Variants in PBRM1 observed in about 807,000 individuals in gnomAD.
PBRM1 encodes the protein protein polybromo-1.
Under a neutral mutation model 194.5 loss-of-function variants are expected in PBRM1, and 27 were observed. That is an observed-to-expected ratio of 0.14 (90% CI 0.10 to 0.19). The LOEUF is 0.19. PBRM1 is among the 10% of genes least tolerant of loss of function. The probability of loss-of-function intolerance (pLI) is 1.00; values close to 1 mark genes in which losing one functional copy is unlikely to be tolerated. For synonymous variants in PBRM1, 655 were observed against 693.2 expected (o/e 0.94, Z 0.87); for missense variants, 1,466 against 2,077.2 (o/e 0.71, Z 5.72).
At chr3:52,567,565 CAAAA>C (rs10644120) in intron 22 of PBRM1, among the ~76,000 whole-genome samples, 5 of 91,706 alleles carry the variant, frequency 5.5e-5, no homozygotes, top group African/African-American at 1.8e-4. Context: ...TAGGTAATCT[CAAAA>C]AAAAAAAAAA....
At chr3:52,547,611 C>T (rs1330256124), downstream of PBRM1, 1 of 233,588 alleles carries the variant, frequency 4.3e-6, no homozygotes, top group African/African-American at 2.2e-5. Flanking sequence ...GGACAAACTT[C>T]ACATTTCATT....
intron 2 of PBRM1, among the ~76,000 whole-genome samples, chr3:52,674,596 C>T (rs1411095883): frequency 7.0e-6 from 1 of 142,610 alleles, no homozygotes; most frequent in East Asian, 2.0e-4. Context: ...TTGAGACCAG[C>T]CTGGGCAACA....
chr3:52,675,271 AATTCT>A (rs1175698742), intron 2 of PBRM1, among the ~76,000 whole-genome samples: 5 of 152,224 alleles, frequency 3.3e-5, no homozygotes, highest in African/African-American at 1.2e-4. Context: ...TTCACTGATG[AATTCT>A]AACCAGACAT....
chr3:52,607,021 G>C (rs1462947497), intron 16 of PBRM1, among the ~76,000 whole-genome samples: 1 of 152,138 alleles, frequency 6.6e-6, no homozygotes, highest in Non-Finnish European at 1.5e-5. Flanking sequence ...GGGGTAAATG[G>C]TGATGAAGCA....
At chr3:52,574,884 C>T (rs752935312) in intron 22 of PBRM1, among the ~76,000 whole-genome samples, 1 of 152,140 alleles carries the variant, frequency 6.6e-6, no homozygotes, top group Non-Finnish European at 1.5e-5. Context: ...ACTGTAGTAA[C>T]CATATACAAC....
At chr3:52,615,299 C>T in intron 15 of PBRM1, 52 bp downstream of exon 17, 1 of 912,354 alleles carries the variant, frequency 1.1e-6, no homozygotes. Context: ...GAAAAATCAG[C>T]AATCTCTTCT....
chr3:52,623,608 A>G (rs2095350897), intron 13 of PBRM1, among the ~76,000 whole-genome samples: 1 of 152,248 alleles, frequency 6.6e-6, no homozygotes, highest in Non-Finnish European at 1.5e-5. Flanking sequence ...CGCTACTTCA[A>G]GAAAATAAAC....
intron 11 of PBRM1, among the ~76,000 whole-genome samples, chr3:52,632,957 A>G (rs2095670396): frequency 6.6e-6 from 1 of 152,020 alleles, no homozygotes; most frequent in Non-Finnish European, 1.5e-5. Flanking sequence ...TCACTGGCTA[A>G]CCAAAGTGCT....
chr3:52,579,895 A>G (rs190066070), intron 20 of PBRM1, among the ~76,000 whole-genome samples: 36 of 152,306 alleles, frequency 2.4e-4, no homozygotes, highest in African/African-American at 7.9e-4. Context: ...ATTCTATACA[A>G]GCTTCCTCTC....
At chr3:52,574,959 G>A (rs1296449729) in intron 22 of PBRM1, among the ~76,000 whole-genome samples, 1 of 152,056 alleles carries the variant, frequency 6.6e-6, no homozygotes, top group Non-Finnish European at 1.5e-5. Context: ...GGAGTGCAGT[G>A]GCATGATCAT....
intron 12 of PBRM1, 134 bp downstream of exon 13, chr3:52,628,760 C>T: frequency 2.5e-6 from 2 of 803,762 alleles, no homozygotes; most frequent in South Asian, 3.0e-5. Context: ...GTGTGAGCCA[C>T]CGCACCCAGC....
intron 25 of PBRM1, 30 bp downstream of exon 27, chr3:52,561,737 G>C: frequency 6.3e-7 from 1 of 1,597,032 alleles, no homozygotes; most frequent in Non-Finnish European, 8.6e-7. Flanking sequence ...CCCTTGCTTC[G>C]AAAGACAGTT....
At chr3:52,647,429 GAAAAAAAAAAAAAAA>G (rs71637569) in intron 7 of PBRM1, among the ~76,000 whole-genome samples, 1 of 44,486 alleles carries the variant, frequency 2.2e-5, no homozygotes, top group Non-Finnish European at 3.8e-5. Flanking sequence ...GTATCAAAGA[GAAAAAAAAAAAAAAA>G]AAAAAAAAAA....
At chr3:52,608,379 G>C (rs139812907) in intron 16 of PBRM1, among the ~76,000 whole-genome samples, 8 of 152,270 alleles carry the variant, frequency 5.3e-5, no homozygotes, top group African/African-American at 1.7e-4. Flanking sequence ...CTATCATAAG[G>C]GTTAGAGATT....
chr3:52,545,736 C>T (rs1047978170), downstream of PBRM1: 2 of 233,040 alleles, frequency 8.6e-6, no homozygotes, highest in African/African-American at 2.2e-5. Flanking sequence ...TTCTTCTCCA[C>T]AGGAACTTAC....
At chr3:52,646,831 T>A (rs2096306586) in intron 7 of PBRM1, among the ~76,000 whole-genome samples, 2 of 152,164 alleles carry the variant, frequency 1.3e-5, no homozygotes, top group Admixed American at 1.3e-4. Context: ...TAGGTGTAAA[T>A]CTTTGTGATT....
chr3:52,587,573 T>A, intron 18 of PBRM1, 63 bp from the exon 21 acceptor site: 3 of 1,013,720 alleles, frequency 3.0e-6, no homozygotes, highest in Non-Finnish European at 4.1e-6. Flanking sequence ...GAAATCACTT[T>A]TTTTTTTTTT....
chr3:52,657,502 C>T (rs1387044977), intron 5 of PBRM1, among the ~76,000 whole-genome samples: 2 of 152,086 alleles, frequency 1.3e-5, no homozygotes, highest in East Asian at 1.9e-4. Flanking sequence ...TGGACTCTTG[C>T]TCTGTCACCC....
At chr3:52,587,211 C>A in intron 19 of PBRM1, 142 bp downstream of exon 21, 1 of 629,612 alleles carries the variant, frequency 1.6e-6, no homozygotes, top group East Asian at 3.1e-5. Flanking sequence ...CTTCCCAAAT[C>A]TTTTCATATA....
Sources: gnomAD v4.1 joint callset for allele counts (sites outside exome capture counted in the v4.1 genomes callset) on GRCh38, gnomAD v4.1.1 for gene constraint, MANE v1.5 for transcripts, NCBI Gene and HGNC (gene_info 2026-07-23, HGNC 2026-07-21) for gene names.